The following HYAL4 variants were observed in gnomAD, a reference collection of about 807,000 sequenced individuals.
HYAL4 encodes the protein hyaluronidase 4, also known as hyaluronidase-4.
Under a neutral mutation model 35.2 loss-of-function variants are expected in HYAL4, and 37 were observed. That is an observed-to-expected ratio of 1.05 (90% CI 0.81 to 1.38). The LOEUF is 1.38. Ranked by LOEUF, HYAL4 falls within the 40% of genes most tolerant of loss-of-function variation. The pLI is 0.00. For synonymous variants in HYAL4, 198 were observed against 203.2 expected, an observed-to-expected ratio of 0.97 and a Z score of 0.22; for missense variants, 572 against 572.4, an observed-to-expected ratio of 1.00 and a Z score of 0.01.
At chr7:123,815,280 A>G in the HYAL4 span, among the ~76,000 whole-genome samples, 13 of 152,316 alleles carry the variant, frequency 8.5e-5, no homozygotes, top group African/African-American at 3.1e-4. Flanking sequence ...AGTTTCCTAC[A>G]GAACAGAGGT....
the HYAL4 span, among the ~76,000 whole-genome samples, chr7:123,776,060 A>T: frequency 6.6e-6 from 1 of 152,208 alleles, no homozygotes; most frequent in Non-Finnish European, 1.5e-5. Context: ...GACAGTTTCA[A>T]TTTATATAAA....
the HYAL4 span, among the ~76,000 whole-genome samples, chr7:123,770,038 G>A: frequency 6.6e-6 from 1 of 151,966 alleles, no homozygotes; most frequent in Non-Finnish European, 1.5e-5. Flanking sequence ...AAAAGGCTGG[G>A]CATGATATCA....
intron 2 of HYAL4, among the ~76,000 whole-genome samples, chr7:123,850,100 T>C (rs560065361): frequency 2.6e-5 from 4 of 152,370 alleles, no homozygotes; most frequent in African/African-American, 2.4e-5. Flanking sequence ...TTACTTGAGA[T>C]ACTTATTGTA....
Position 123,876,733 on chromosome 7 carries a change from G to T in HYAL4, c.1045-21G>T. On this transcript the variant is annotated intron_variant, in intron 4 of 4. Transcript: ENST00000223026. The stretch of plus-strand genomic sequence containing the variant: ...CTACCAGGGAGAACACACTAAAATT[G>T]ATTTCTTCCTACATTTCTAGGCCAA... 1.9e-6 allele frequency: 3 copies of T among 1,599,898 alleles called. No individual in the cohort carries two copies. In the South Asian group the frequency reaches 3.3e-5, roughly 18 times the overall value.
the HYAL4 span, among the ~76,000 whole-genome samples, chr7:123,823,728 T>G: frequency 9.9e-5 from 7 of 70,502 alleles, no homozygotes; most frequent in Non-Finnish European, 5.3e-5. Flanking sequence ...ACATATATAT[T>G]TTATATATAT....
the HYAL4 span, chr7:123,819,308 G>GT: frequency 6.6e-6 from 1 of 152,546 alleles, no homozygotes; most frequent in African/African-American, 2.4e-5. Flanking sequence ...ATTTGACTTG[G>GT]TGGAAACTAC....
At chr7:123,796,064 A>G in the HYAL4 span, among the ~76,000 whole-genome samples, 3 of 152,244 alleles carry the variant, frequency 2.0e-5, no homozygotes, top group Non-Finnish European at 4.4e-5. Flanking sequence ...TTGTTTGCAA[A>G]CTATATTGCA....
the HYAL4 span, among the ~76,000 whole-genome samples, chr7:123,817,504 C>G: frequency 8.0e-6 from 1 of 125,388 alleles, no homozygotes; most frequent in African/African-American, 2.8e-5. Flanking sequence ...CCAATGCATT[C>G]TTCTTCTTTT....
rs565439259 is a variant in HYAL4 at position 123,836,034 on chromosome 7, A to G, written c.-257+6910A>G. The stretch of plus-strand genomic sequence containing the variant: ...TGGAGAACATTCCATGTGCTGATAA[A>G]TAGACAATATATTCTGTGGTTGTTG... On this transcript the variant is annotated intron_variant, in intron 1 of 4. Coordinates refer to the HYAL4 transcript ENST00000489978. Among the ~76,000 whole-genome samples the G allele has an allele frequency of 4.6e-5, 7 of 152,290 alleles. No individual in the cohort carries two copies. The South Asian group carries it at 8.3e-4, about 18-fold the overall frequency.
rs748259529 is a variant in HYAL4, at chr7:123,876,744, A to G, written c.1045-10A>G. On this transcript the variant is annotated splice_polypyrimidine_tract_variant and intron_variant, in intron 4 of 4. Coordinates refer to ENST00000223026, the MANE Select transcript of HYAL4 (RefSeq NM_012269.3). ...AACACACTAAAATTGATTTCTTCCT[A>G]CATTTCTAGGCCAACTGTACAAAGG... 3 of 1,602,024 alleles carry G rather than the reference A, an allele frequency of 1.9e-6. No individual in the cohort carries two copies. In the East Asian group the frequency reaches 6.7e-5, roughly 36 times the overall value.
the HYAL4 span, among the ~76,000 whole-genome samples, chr7:123,809,374 CT>C: frequency 1.4e-5 from 2 of 146,716 alleles, no homozygotes; most frequent in African/African-American, 5.0e-5. Flanking sequence ...AGTATTCTTT[CT>C]TTCTTTTTTT....
chr7:123,798,681 G>C, the HYAL4 span, among the ~76,000 whole-genome samples: 2 of 152,136 alleles, frequency 1.3e-5, no homozygotes, highest in South Asian at 4.2e-4. Context: ...TGAGTGGATA[G>C]GACAAGTTCT....
At chr7:123,873,491 T>G (rs1339374021) in intron 3 of HYAL4, among the ~76,000 whole-genome samples, 1 of 147,604 alleles carries the variant, frequency 6.8e-6, no homozygotes, top group African/African-American at 2.5e-5. Flanking sequence ...GAGACTTATC[T>G]CTCAAGTATT....
the HYAL4 span, among the ~76,000 whole-genome samples, chr7:123,782,878 TC>T: frequency 2.0e-5 from 3 of 152,216 alleles, no homozygotes; most frequent in Admixed American, 6.5e-5. Flanking sequence ...ACATATAACA[TC>T]CCACAGAACA....
intron 1 of HYAL4, among the ~76,000 whole-genome samples, chr7:123,846,449 C>T (rs1806175560): frequency 1.3e-5 from 2 of 152,014 alleles, no homozygotes; most frequent in Non-Finnish European, 2.9e-5. Flanking sequence ...TCACAGGCCT[C>T]ACCCAGCTCT....
chr7:123,838,700 A>C (rs1367192860), intron 1 of HYAL4, among the ~76,000 whole-genome samples: 2 of 152,136 alleles, frequency 1.3e-5, no homozygotes, highest in East Asian at 1.9e-4. Flanking sequence ...AGGCTGGGGA[A>C]GTTTTCCTCA....
intron 1 of HYAL4, among the ~76,000 whole-genome samples, chr7:123,830,595 T>C (rs1335410533): frequency 6.6e-6 from 1 of 152,216 alleles, no homozygotes; most frequent in Non-Finnish European, 1.5e-5. Context: ...CACCTGTTTT[T>C]CCCAGTCTCT....
chr7:123,870,609 A>G (rs1268791510), intron 3 of HYAL4, among the ~76,000 whole-genome samples: 1 of 152,046 alleles, frequency 6.6e-6, no homozygotes, highest in Non-Finnish European at 1.5e-5. Flanking sequence ...TAAAAATACA[A>G]AAATTAGCTA....
chr7:123,876,132 T>C, intron 4 of HYAL4: 1 of 441,212 alleles, frequency 2.3e-6, no homozygotes, highest in Non-Finnish European at 4.5e-6. Flanking sequence ...AGGAACCATA[T>C]ACACAAAAGT....
Sources: gnomAD v4.1 joint callset for allele counts (sites outside exome capture counted in the v4.1 genomes callset) on GRCh38, gnomAD v4.1.1 for gene constraint, MANE v1.5 for transcripts, NCBI Gene and HGNC (gene_info 2026-07-23, HGNC 2026-07-21) for gene names.